Variants in PSD3 observed in about 807,000 individuals in gnomAD.
PSD3 encodes the protein PH and SEC7 domain-containing protein 3.
A neutral mutation model predicts 105.5 loss-of-function variants in PSD3; 49 were observed. The observed-to-expected ratio is 0.46, with a 90% CI of 0.37 to 0.59. The LOEUF (loss-of-function observed/expected upper bound fraction) is 0.59, where lower values mean the gene tolerates loss of function less well. Among genes scored for constraint, PSD3 ranks in the 20% least tolerant of loss-of-function variants. The pLI is 0.00. For synonymous variants in PSD3, 557 were observed against 457.8 expected (o/e 1.22, Z -2.77); for missense variants, 1,561 against 1,263.8 (o/e 1.24, Z -3.57).
intron 9 of PSD3, among the ~76,000 whole-genome samples, chr8:18,658,969 A>G (rs1331576394): frequency 6.6e-6 from 1 of 152,160 alleles, no homozygotes; most frequent in Non-Finnish European, 1.5e-5. Flanking sequence ...TCTCAATAGT[A>G]ACAACAACAA....
At chr8:18,716,606 G>T (rs749183044) in intron 9 of PSD3, among the ~76,000 whole-genome samples, 19 of 152,176 alleles carry the variant, frequency 1.2e-4, no homozygotes, top group Non-Finnish European at 2.4e-4. Context: ...AGTAAGTCTT[G>T]CAAGCTTTGA....
intron 2 of PSD3, among the ~76,000 whole-genome samples, chr8:18,906,083 C>A (rs1819828468): frequency 6.6e-6 from 1 of 152,092 alleles, no homozygotes; most frequent in African/African-American, 2.4e-5. Context: ...GAAAGACCGG[C>A]AAAAATATAA....
intron 9 of PSD3, among the ~76,000 whole-genome samples, chr8:18,693,988 G>T (rs541608833): frequency 1.9e-4 from 29 of 152,248 alleles, no homozygotes; most frequent in Non-Finnish European, 3.2e-4. Context: ...AGTAACACTG[G>T]ACCCTGAATG....
At chr8:18,986,915 C>T (rs1429052883) in intron 1 of PSD3, among the ~76,000 whole-genome samples, 1 of 152,110 alleles carries the variant, frequency 6.6e-6, no homozygotes, top group African/African-American at 2.4e-5. Context: ...CCTACTTTAA[C>T]CCATTTATGC....
chr8:18,680,724 G>A (rs1800338014), intron 9 of PSD3, among the ~76,000 whole-genome samples: 1 of 152,132 alleles, frequency 6.6e-6, no homozygotes, highest in Non-Finnish European at 1.5e-5. Flanking sequence ...CACGGAGAAG[G>A]GGGTTTTAAA....
At chr8:18,859,055 C>A (rs1398876997) in intron 4 of PSD3, among the ~76,000 whole-genome samples, 2 of 152,096 alleles carry the variant, frequency 1.3e-5, no homozygotes, top group African/African-American at 4.8e-5. Flanking sequence ...ACAATATATT[C>A]CTTCCAAAAA....
intron 1 of PSD3, among the ~76,000 whole-genome samples, chr8:19,029,197 G>C (rs1827671313): frequency 6.6e-6 from 1 of 152,138 alleles, no homozygotes. Flanking sequence ...CATTAAAAAT[G>C]TCCAGTATGA....
At chr8:19,029,722 C>T (rs1173654009) in intron 1 of PSD3, among the ~76,000 whole-genome samples, 1 of 152,090 alleles carries the variant, frequency 6.6e-6, no homozygotes, top group Non-Finnish European at 1.5e-5. Flanking sequence ...CACAGCTAAA[C>T]CATATCACAC....
At chr8:18,731,148 C>T (rs28535285) in intron 9 of PSD3, among the ~76,000 whole-genome samples, 9,009 of 151,858 alleles carry the variant, frequency 0.059, 533 homozygotes, top group East Asian at 0.24. Context: ...CCCAGCTACT[C>T]GGGAGCCTGA....
intron 2 of PSD3, among the ~76,000 whole-genome samples, chr8:18,889,718 G>T (rs1050806941): frequency 6.6e-6 from 1 of 152,128 alleles, no homozygotes; most frequent in Non-Finnish European, 1.5e-5. Context: ...GGATCTGTAA[G>T]CATAAACCTC....
At chr8:18,593,695 C>A (rs930899164) in intron 12 of PSD3, among the ~76,000 whole-genome samples, 75 of 152,074 alleles carry the variant, frequency 4.9e-4, no homozygotes, top group Admixed American at 7.9e-4. Flanking sequence ...TGCAGCACTA[C>A]TCACAATAGC....
chr8:18,559,395 A>C (rs890046957), intron 14 of PSD3, among the ~76,000 whole-genome samples: 4 of 152,114 alleles, frequency 2.6e-5, no homozygotes, highest in Non-Finnish European at 5.9e-5. Flanking sequence ...TCATAGGTTT[A>C]CTGGGTTTCC....
chr8:18,856,014 G>A (rs1815979769), intron 4 of PSD3, among the ~76,000 whole-genome samples: 1 of 152,116 alleles, frequency 6.6e-6, no homozygotes, highest in South Asian at 2.1e-4. Context: ...AGAACAGGGG[G>A]CAAAGAGGTT....
chr8:19,057,932 C>T (rs888455189), intron 1 of PSD3, among the ~76,000 whole-genome samples: 2 of 152,196 alleles, frequency 1.3e-5, no homozygotes, highest in African/African-American at 4.8e-5. Flanking sequence ...AGCTATCCCA[C>T]TCCTATTTTC....
At chr8:18,778,239 G>C (rs1808280170) in intron 8 of PSD3, among the ~76,000 whole-genome samples, 1 of 152,076 alleles carries the variant, frequency 6.6e-6, no homozygotes, top group African/African-American at 2.4e-5. Context: ...TTATAAATGG[G>C]ATTACTTTCC....
intron 8 of PSD3, among the ~76,000 whole-genome samples, chr8:18,769,083 C>T (rs893436853): frequency 4.8e-5 from 7 of 146,522 alleles, no homozygotes; most frequent in Non-Finnish European, 9.2e-5. Flanking sequence ...TCAGGTCAAA[C>T]AAGGTGTCTC....
At chr8:18,813,102 C>T (rs539634591) in intron 4 of PSD3, among the ~76,000 whole-genome samples, 9 of 152,178 alleles carry the variant, frequency 5.9e-5, no homozygotes, top group East Asian at 5.8e-4. Flanking sequence ...AAGCCTCCTC[C>T]GAAAGCTATT....
chr8:18,708,948 C>T (rs942149842), intron 9 of PSD3, among the ~76,000 whole-genome samples: 11 of 152,274 alleles, frequency 7.2e-5, no homozygotes, highest in Middle Eastern at 3.4e-3. Flanking sequence ...AGGGAAACCA[C>T]GCTTTTTCCA....
At chr8:18,884,109 C>T (rs1290907745) in intron 2 of PSD3, among the ~76,000 whole-genome samples, 1 of 152,062 alleles carries the variant, frequency 6.6e-6, no homozygotes, top group Non-Finnish European at 1.5e-5. Context: ...AGAGTGACCA[C>T]TCTGATCCCT....
Sources: allele counts gnomAD v4.1 joint callset (sites outside exome capture counted in the v4.1 genomes callset), GRCh38; gene constraint gnomAD v4.1.1; transcripts MANE v1.5; gene names NCBI Gene and HGNC (gene_info 2026-07-23, HGNC 2026-07-21).